C5: variants seen among roughly 807,000 people sequenced by gnomAD.
The protein encoded by C5 is complement C5.
A neutral mutation model predicts 218.8 loss-of-function variants in C5; 140 were observed. That is an observed-to-expected ratio of 0.64 (90% CI 0.56 to 0.74). The LOEUF (loss-of-function observed/expected upper bound fraction) is 0.74, where lower values mean the gene tolerates loss of function less well. Among genes scored for constraint, C5 ranks in the 30% least tolerant of loss-of-function variants. The pLI is 0.00. For missense variants in C5, 1,700 were observed against 1,969.6 expected, an observed-to-expected ratio of 0.86 and a Z score of 2.59; for synonymous variants, 614 against 682.3, an observed-to-expected ratio of 0.90 and a Z score of 1.56.
chr9:120,954,069 T>C (rs1316107728), intron 39 of C5, among the ~76,000 whole-genome samples: 3 of 152,196 alleles, frequency 2.0e-5, no homozygotes, highest in African/African-American at 7.2e-5. Context: ...CCTGGCTATG[T>C]GACTCTGGGA....
chr9:121,009,691 G>A (rs1228860246), intron 17 of C5, among the ~76,000 whole-genome samples: 2 of 152,190 alleles, frequency 1.3e-5, no homozygotes, highest in Admixed American at 6.5e-5. Context: ...CAAGAGAACC[G>A]AAAATCAGGT....
At chr9:120,981,077 C>T (rs935447653) in intron 27 of C5, among the ~76,000 whole-genome samples, 2 of 152,212 alleles carry the variant, frequency 1.3e-5, no homozygotes, top group Admixed American at 1.3e-4. Flanking sequence ...CTAGTCCTGA[C>T]GCCACCAAAA....
At chr9:120,960,126 CA>C in intron 38 of C5, 121 bp downstream of exon 38, 1 of 692,072 alleles carries the variant, frequency 1.4e-6, no homozygotes, top group Non-Finnish European at 2.6e-6. Flanking sequence ...CATTTTCCTT[CA>C]GGGGATCACA....
At chr9:120,970,629 C>A (rs2046904457) in intron 31 of C5, among the ~76,000 whole-genome samples, 1 of 152,214 alleles carries the variant, frequency 6.6e-6, no homozygotes, top group Non-Finnish European at 1.5e-5. Flanking sequence ...CACACGCCAT[C>A]ATGGCAAACA....
intron 34 of C5, 115 bp from the exon 35 acceptor site, chr9:120,963,082 T>G (rs1231508107): frequency 9.6e-6 from 8 of 832,806 alleles, no homozygotes; most frequent in Middle Eastern, 3.1e-4. Flanking sequence ...TCAAAGAAAT[T>G]GAAGAGCAGT....
chr9:121,015,335 C>T lies in C5; in HGVS notation c.1997-74G>A, dbSNP rs1212182112. On this transcript the variant is annotated intron_variant, in intron 15 of 40. Transcript: ENST00000223642. The stretch of plus-strand genomic sequence containing the variant: ...AATCTCAAAAAAAAATTCCATGAAA[C>T]TATTTAAGTATTTAGAGCCTTCACA... 5.1e-6 allele frequency: 5 copies of T among 985,844 alleles called. No homozygotes were observed. The African/African-American group carries it at 6.4e-5, about 13-fold the overall frequency. 61.1% of individuals were successfully genotyped at this position (985,844 alleles called of 1,614,324 possible). A position where few individuals can be genotyped will look rare whatever the true frequency, so the allele number is the denominator to read the frequency against.
At chr9:120,971,517 C>T in intron 31 of C5, among the ~76,000 whole-genome samples, 1 of 152,152 alleles carries the variant, frequency 6.6e-6, no homozygotes, top group East Asian at 1.9e-4. Flanking sequence ...CGGCTCACTG[C>T]AACCTCTGCC....
chr9:120,982,850 C>G (rs367921531), intron 25 of C5, 36 bp from the exon 26 acceptor site: 10 of 1,184,622 alleles, frequency 8.4e-6, no homozygotes, highest in African/African-American at 3.0e-5. Flanking sequence ...ATATTTAGAA[C>G]GCTGAATCCC....
intron 17 of C5, 32 bp from the exon 18 acceptor site, chr9:121,008,530 A>C: frequency 4.8e-6 from 7 of 1,468,238 alleles, no homozygotes; most frequent in Non-Finnish European, 6.7e-6. Context: ...AATTATGGAA[A>C]AACAATATAA....
chr9:120,968,466 AC>A lies in C5; in HGVS notation c.4220+594del, dbSNP rs41312887. On this transcript the variant is annotated intron_variant, in intron 33 of 40. Transcript: ENST00000223642. ...ACCTCTAGAATTGCAAGATAGTAAA[AC>A]TGTGTTGGTTTAAACCATTACATTT... is the stretch of plus-strand genomic sequence containing the variant. 7.1e-3 allele frequency among the ~76,000 whole-genome samples: 1,086 copies of A among 152,326 alleles called. 14 individuals are homozygous for A. The highest frequency in any genetic ancestry group is 0.025 in the African/African-American group (1,032 of 41,562).
intron 22 of C5, among the ~76,000 whole-genome samples, chr9:120,995,177 A>T (rs889028695): frequency 1.3e-5 from 2 of 152,224 alleles, no homozygotes; most frequent in Non-Finnish European, 2.9e-5. Context: ...ACTCAGATGA[A>T]TTAAAGTGTA....
At chr9:121,008,331 G>T in intron 18 of C5, 77 bp downstream of exon 18, 2 of 980,590 alleles carry the variant, frequency 2.0e-6, no homozygotes, top group Non-Finnish European at 1.7e-6. Flanking sequence ...TTGGGAAATG[G>T]GTAGTTTCTA....
chr9:121,017,570 G>A lies in C5; in HGVS notation c.1717-59C>T, dbSNP rs182177399. On this transcript the variant is annotated intron_variant, in intron 13 of 40. Coordinates refer to ENST00000223642, the MANE Select transcript of C5 (RefSeq NM_001735.3). ...CATTTGTATGAGACAAGACTTTTCA[G>A]AAGCAGCTAAAACTTTGGCAGCCTC... is the stretch of plus-strand genomic sequence containing the variant. 3.7e-6 allele frequency: 6 copies of A among 1,605,094 alleles called. No individual in the cohort carries two copies. In the African/African-American group the frequency reaches 8.0e-5, roughly 21 times the overall value.
chr9:121,074,386 A>C, the C5 span, among the ~76,000 whole-genome samples: 1 of 152,326 alleles, frequency 6.6e-6, no homozygotes, highest in East Asian at 1.9e-4. Flanking sequence ...AATCAGAGGA[A>C]CATCCTCTGC....
At chr9:121,059,123 A>G in the C5 span, among the ~76,000 whole-genome samples, 1 of 152,246 alleles carries the variant, frequency 6.6e-6, no homozygotes, top group Non-Finnish European at 1.5e-5. This position sits in a 1 kb window ranked among gnomAD's most constrained non-coding sequence, Gnocchi z 4.1. Context: ...GAAGGAAGCC[A>G]TTGCTTAAAC....
intron 11 of C5, among the ~76,000 whole-genome samples, chr9:121,020,925 C>T (rs1446296103): frequency 2.0e-5 from 3 of 152,216 alleles, no homozygotes; most frequent in Admixed American, 6.5e-5. Context: ...CAGCATGATG[C>T]CTAGCATTTA....
intron 14 of C5, among the ~76,000 whole-genome samples, chr9:121,016,704 T>C (rs900722390): frequency 1.3e-5 from 2 of 152,268 alleles, no homozygotes; most frequent in Non-Finnish European, 2.9e-5. Flanking sequence ...AATAAATAAA[T>C]AAATAGGTAT....
rs2046837715 is a variant in C5, at chr9:120,962,897, T to C, written c.4394A>G (p.Asn1465Ser). The C allele has an allele frequency of 6.2e-7, 1 of 1,613,986 alleles. No individual in the cohort carries two copies. Among genetic ancestry groups the C allele is most frequent in the African/African-American group, 1.3e-5 (1 of 75,062 alleles). ...IKDGHVILQL[N>S]SIPSSDFLCV... is the part of the protein sequence containing the mutation. Reference sequence around the variant, plus strand: ...ATGGTTGCAGGTGGAGCTTACCGAATTCAGTTGCAGAATAACATGTCCATC... The same window carrying C: ...ATGGTTGCAGGTGGAGCTTACCGAACTCAGTTGCAGAATAACATGTCCATC... Residue 1465 changes from asparagine to serine, a missense_variant, in exon 35 of 41, where the codon AAT (asparagine) becomes AGT (serine). Coordinates refer to ENST00000223642, the MANE Select transcript of C5 (RefSeq NM_001735.3).
the C5 span, chr9:121,074,773 C>G: frequency 2.2e-6 from 1 of 454,132 alleles, no homozygotes; most frequent in Non-Finnish European, 4.4e-6. Context: ...AATCCGAAGG[C>G]GAAGGCACCG....
Sources: gnomAD v4.1 joint callset for allele counts (sites outside exome capture counted in the v4.1 genomes callset) on GRCh38, gnomAD v4.1.1 for gene constraint, Gnocchi (gnomAD v3.1) non-coding constraint, MANE v1.5 for transcripts, NCBI Gene and HGNC (gene_info 2026-07-23, HGNC 2026-07-21) for gene names.